Variants in LRRK2 observed in about 807,000 individuals in gnomAD.
LRRK2 encodes the protein leucine rich repeat kinase 2.
LRRK2 carries 203 observed loss-of-function variants against 302.6 expected under a neutral mutation model. The ratio of observed to expected loss-of-function variants is 0.67; its 90% confidence interval spans 0.60 to 0.75. The LOEUF is 0.75. LRRK2 is among the 30% of genes least tolerant of loss of function. The probability of loss-of-function intolerance (pLI) is 0.00; values close to 1 mark genes in which losing one functional copy is unlikely to be tolerated. For synonymous variants in LRRK2, 1,066 were observed against 1,031.9 expected (o/e 1.03, Z -0.63); for missense variants, 2,830 against 2,951.0 (o/e 0.96, Z 0.95).
chr12:40,335,228 A>G, intron 40 of LRRK2, 71 bp downstream of exon 40: 1 of 1,504,312 alleles, frequency 6.6e-7, no homozygotes, highest in Non-Finnish European at 9.2e-7. Context: ...AGGTTCTGAG[A>G]ACACTTCCCA....
In LRRK2 at chr12:40,289,242, T is replaced by A. The variant is rs114213151; in HGVS notation, c.2689+1703T>A. Among the ~76,000 whole-genome samples, 418 of 151,858 alleles carry A rather than the reference T, an allele frequency of 2.8e-3. 1 individual carries two copies. The highest frequency in any genetic ancestry group is 9.3e-3 in the African/African-American group (387 of 41,540). On this transcript the variant is annotated intron_variant, in intron 20 of 50. Transcript: ENST00000298910. ...TTTAGGTATGGTTCTATTTTAGCAT[T>A]ATTTATTCTGTGCCACTGATTTATA...
intron 20 of LRRK2, among the ~76,000 whole-genome samples, chr12:40,291,947 G>T (rs930159034): frequency 6.6e-6 from 1 of 152,028 alleles, no homozygotes; most frequent in African/African-American, 2.4e-5. Context: ...TTTAAATAAA[G>T]TAACCACTTT....
Position 40,367,708 on chromosome 12 carries a change from A to G in LRRK2, c.7527A>G (p.Lys2509=), listed in dbSNP as rs377279702. The G allele has an allele frequency of 6.2e-7, 1 of 1,605,336 alleles. No homozygotes were observed. The highest frequency in any genetic ancestry group is 1.3e-5 in the African/African-American group (1 of 74,704). ...CACATGAAGTGCAAAATTTAGAAAAACACATTGAAGTGAGAAAAGAATTAG... is the reference window on the plus strand; with the variant it reads ...CACATGAAGTGCAAAATTTAGAAAAGCACATTGAAGTGAGAAAAGAATTAG... ...NLPHEVQNLE[K]HIEVRKELAE... Residue 2509 remains lysine (K), a synonymous_variant, in exon 51 of 51, where the codon AAA becomes AAG. Transcript: ENST00000298910.
chr12:40,326,467 A>C (rs974915146), intron 38 of LRRK2, among the ~76,000 whole-genome samples: 12 of 145,760 alleles, frequency 8.2e-5, no homozygotes, highest in African/African-American at 2.6e-4. Context: ...CTCTGTCTCA[A>C]AAAAAAAAAG....
intron 44 of LRRK2, among the ~76,000 whole-genome samples, chr12:40,353,486 C>T (rs1321085667): frequency 7.3e-6 from 1 of 137,316 alleles, no homozygotes; most frequent in Non-Finnish European, 1.6e-5. Context: ...AGAGGCGCTC[C>T]TCATTTCCCA....
At chr12:40,298,798 T>TATATATATATAAAA (rs57355300) in intron 24 of LRRK2, among the ~76,000 whole-genome samples, 6 of 94,254 alleles carry the variant, frequency 6.4e-5, no homozygotes, top group African/African-American at 2.5e-4. Flanking sequence ...TATATATATA[T>TATATATATATAAAA]AATATATGTA....
At chr12:40,265,022 T>C (rs1193603259) in intron 14 of LRRK2, among the ~76,000 whole-genome samples, 1 of 152,214 alleles carries the variant, frequency 6.6e-6, no homozygotes, top group Admixed American at 6.5e-5. Context: ...TTGATGAATG[T>C]CATAAATTAA....
At chr12:40,304,567 A>T (rs934716016) in intron 27 of LRRK2, 1 of 166,998 alleles carries the variant, frequency 6.0e-6, no homozygotes, top group Admixed American at 6.1e-5. Flanking sequence ...CATATTATAG[A>T]TTAACTCAAA....
chr12:40,316,339 C>T, intron 33 of LRRK2: 1 of 985,102 alleles, frequency 1.0e-6, no homozygotes, highest in Non-Finnish European at 1.2e-6. Flanking sequence ...TACCATGGAA[C>T]TCAAGAGCAT....
intron 11 of LRRK2, 126 bp downstream of exon 11, chr12:40,253,142 A>G (rs1275244202): frequency 4.7e-6 from 3 of 637,874 alleles, no homozygotes; most frequent in African/African-American, 3.7e-5. Flanking sequence ...AGATATCTCT[A>G]TGTGTAGAGA....
chr12:40,250,078 T>G, intron 8 of LRRK2, 133 bp downstream of exon 8: 1 of 1,090,952 alleles, frequency 9.2e-7, no homozygotes, highest in South Asian at 1.4e-5. Flanking sequence ...CATTTTCCAG[T>G]AGAGGATACT....
At chr12:40,308,023 G>T (rs888851576) in intron 28 of LRRK2, among the ~76,000 whole-genome samples, 3 of 151,760 alleles carry the variant, frequency 2.0e-5, no homozygotes, top group African/African-American at 2.4e-5. Context: ...CTCATGATCC[G>T]CCCACCTCGG....
At chr12:40,313,616 CGT>C (rs564271026) in intron 31 of LRRK2, among the ~76,000 whole-genome samples, 52 of 151,862 alleles carry the variant, frequency 3.4e-4, no homozygotes, top group Admixed American at 2.8e-3. Context: ...CTTATACTAG[CGT>C]GTCTGTTTCA....
intron 3 of LRRK2, among the ~76,000 whole-genome samples, chr12:40,233,239 C>A (rs1941287947): frequency 6.6e-6 from 1 of 152,040 alleles, no homozygotes; most frequent in South Asian, 2.1e-4. Flanking sequence ...ACAAACAAAC[C>A]TTTTGTCATT....
intron 31 of LRRK2, chr12:40,312,931 C>T (rs762403149): frequency 1.3e-5 from 2 of 148,398 alleles, no homozygotes; most frequent in Non-Finnish European, 3.0e-5. Flanking sequence ...ATCTCTAATT[C>T]TCTGGGTTAA....
intron 2 of LRRK2, chr12:40,228,043 C>T (rs1353542545): frequency 6.6e-6 from 1 of 152,116 alleles, no homozygotes; most frequent in Non-Finnish European, 1.5e-5. Context: ...CTGCAATAAA[C>T]ATGGGAGTTC....
intron 7 of LRRK2, among the ~76,000 whole-genome samples, chr12:40,245,120 T>G (rs917886687): frequency 3.9e-5 from 6 of 152,118 alleles, no homozygotes; most frequent in Non-Finnish European, 8.8e-5. Context: ...ATTTACTCTT[T>G]TTTATGTATC....
intron 11 of LRRK2, among the ~76,000 whole-genome samples, chr12:40,254,747 AC>A (rs1942425704): frequency 6.6e-6 from 1 of 152,122 alleles, no homozygotes; most frequent in Non-Finnish European, 1.5e-5. Flanking sequence ...TTCAGAGTCC[AC>A]CCTGATGTCT....
At chr12:40,225,382 C>T (rs80220210) in intron 1 of LRRK2, 100 bp downstream of exon 1, 9 of 1,457,036 alleles carry the variant, frequency 6.2e-6, no homozygotes, top group African/African-American at 1.4e-5. Context: ...CTGCTCAAAC[C>T]CGGACTCTTA....
Sources: allele counts gnomAD v4.1 joint callset (sites outside exome capture counted in the v4.1 genomes callset), GRCh38; gene constraint gnomAD v4.1.1; transcripts MANE v1.5; gene names NCBI Gene and HGNC (gene_info 2026-07-23, HGNC 2026-07-21).